Variants in KCNU1 observed in about 807,000 individuals in gnomAD.
The protein encoded by KCNU1 is potassium calcium-activated channel subfamily U member 1.
In KCNU1, 93 loss-of-function variants were observed where a neutral mutation model predicts 126.8. That is an observed-to-expected ratio of 0.73 (90% CI 0.62 to 0.87). KCNU1 has a LOEUF of 0.87. Ranked by LOEUF, KCNU1 falls within the 40% of genes least tolerant of loss-of-function variation. The pLI, the probability that KCNU1 is intolerant of heterozygous loss-of-function variation, is 0.00. For synonymous variants in KCNU1, 523 were observed against 494.2 expected (o/e 1.06, Z -0.77); for missense variants, 1,330 against 1,367.1 (o/e 0.97, Z 0.43).
chr8:36,884,103 C>T (rs368002266), intron 19 of KCNU1, among the ~76,000 whole-genome samples: 78 of 152,112 alleles, frequency 5.1e-4, no homozygotes, highest in African/African-American at 1.5e-3. Flanking sequence ...TCCACAATTC[C>T]GGCACATAAA....
intron 3 of KCNU1, 49 bp downstream of exon 3, chr8:36,804,137 C>T (rs959229812): frequency 4.6e-6 from 6 of 1,302,716 alleles, no homozygotes; most frequent in South Asian, 1.3e-5. Context: ...GTACATTGCT[C>T]GGCTAATTTG....
chr8:36,852,977 T>C (rs1585462323), intron 18 of KCNU1, among the ~76,000 whole-genome samples: 1 of 152,332 alleles, frequency 6.6e-6, no homozygotes, highest in Non-Finnish European at 1.5e-5. Context: ...TAACTTGCCT[T>C]CCTTTGTTCA....
intron 19 of KCNU1, among the ~76,000 whole-genome samples, chr8:36,864,900 G>A (rs888569802): frequency 2.0e-5 from 3 of 152,054 alleles, no homozygotes; most frequent in African/African-American, 7.2e-5. Flanking sequence ...TTTTGCATCT[G>A]CAAAATATGG....
intron 22 of KCNU1, among the ~76,000 whole-genome samples, chr8:36,918,581 G>C (rs1405351970): frequency 6.6e-6 from 1 of 150,498 alleles, no homozygotes; most frequent in African/African-American, 2.5e-5. Context: ...AAAAAGAAAA[G>C]AAGAAAGACC....
chr8:36,917,354 C>CTT (rs35473262), intron 22 of KCNU1, among the ~76,000 whole-genome samples: 59 of 143,742 alleles, frequency 4.1e-4, no homozygotes, highest in African/African-American at 1.4e-3. Context: ...CCACCAACTT[C>CTT]TTTTTTTTTT....
At chr8:36,822,275 G>A (rs374433475) in intron 10 of KCNU1, among the ~76,000 whole-genome samples, 6 of 151,652 alleles carry the variant, frequency 4.0e-5, no homozygotes, top group African/African-American at 1.4e-4. Flanking sequence ...ACGTATGTAT[G>A]TATGTTGGAG....
At chr8:36,866,452 C>G (rs1348458657) in intron 19 of KCNU1, among the ~76,000 whole-genome samples, 1 of 152,074 alleles carries the variant, frequency 6.6e-6, no homozygotes, top group Non-Finnish European at 1.5e-5. Flanking sequence ...GCCCTTCCTG[C>G]CTTCCAATCC....
Position 36,919,333 on chromosome 8 carries a change from G to A in KCNU1, c.2596+436G>A, listed in dbSNP as rs1251899233. On this transcript the variant is annotated intron_variant, in intron 23 of 26. Coordinates refer to ENST00000399881, the MANE Select transcript of KCNU1 (RefSeq NM_001031836.3). ...AGGCATGTGGGGTACAGACTTAGAG[G>A]AGGTGCTCACCCTTGGTGTCTCCAA... Among the ~76,000 whole-genome samples, 3 of 151,456 alleles carry A rather than the reference G, an allele frequency of 2.0e-5. No individual in the cohort carries two copies. In the East Asian group the frequency reaches 5.9e-4, roughly 30 times the overall value.
chr8:36,885,021 G>C (rs1354401692), intron 19 of KCNU1, among the ~76,000 whole-genome samples: 2 of 152,188 alleles, frequency 1.3e-5, no homozygotes, highest in African/African-American at 4.8e-5. Context: ...AATCGCAGCT[G>C]AGATCTGCTC....
intron 20 of KCNU1, 52 bp from the exon 21 acceptor site, chr8:36,909,259 G>A: frequency 1.8e-6 from 2 of 1,127,932 alleles, no homozygotes; most frequent in Non-Finnish European, 2.7e-6. Context: ...TACTTGGAGG[G>A]ATTCTCATCT....
chr8:36,912,953 CAAAAAAAA>C (rs71547665), intron 22 of KCNU1, among the ~76,000 whole-genome samples: 32 of 37,376 alleles, frequency 8.6e-4, no homozygotes, highest in African/African-American at 3.2e-3. Flanking sequence ...GGTGACAGAG[CAAAAAAAA>C]AAAAAAAAAA....
chr8:36,932,070 C>T (rs1457823686), intron 25 of KCNU1, among the ~76,000 whole-genome samples: 1 of 152,022 alleles, frequency 6.6e-6, no homozygotes, highest in Non-Finnish European at 1.5e-5. Flanking sequence ...TAGCAAAACC[C>T]CCAGGTAGAA....
rs565620015 is a variant in KCNU1 at position 36,854,390 on chromosome 8, G to T, written c.1891+8491G>T. Among the ~76,000 whole-genome samples, 5 of 150,700 alleles carry T rather than the reference G, an allele frequency of 3.3e-5. No individual in the cohort carries two copies. The East Asian group carries it at 7.8e-4, about 23-fold the overall frequency. On this transcript the variant is annotated intron_variant, in intron 18 of 26. Transcript: ENST00000399881. ...TAATGTCCCAGCGGTCCCTTAGGCT[G>T]TCTTCATTTTTCTTAATTCCTTTTT...
Position 36,831,287 on chromosome 8 carries a change from T to C in KCNU1, c.1107-2267T>C, listed in dbSNP as rs1279907629. On this transcript the variant is annotated intron_variant, in intron 10 of 26. Coordinates refer to ENST00000399881, the MANE Select transcript of KCNU1 (RefSeq NM_001031836.3). ...GGGTATATACCCAGTAATGGGATGG[T>C]TGGGTCAAGTGGTATTTCTAGTTCT... Among the ~76,000 whole-genome samples, 6 of 152,178 alleles carry C rather than the reference T, an allele frequency of 3.9e-5. No homozygotes were observed. In the East Asian group the frequency reaches 9.7e-4, roughly 25 times the overall value.
chr8:36,901,658 A>G (rs1245768177), intron 19 of KCNU1, among the ~76,000 whole-genome samples: 3 of 152,150 alleles, frequency 2.0e-5, no homozygotes, highest in African/African-American at 4.8e-5. Context: ...AAAGCTGGAG[A>G]TGGGACCCTG....
rs561480268 is a variant in KCNU1 at position 36,843,356 on chromosome 8, T to C, written c.1704-2224T>C. Among the ~76,000 whole-genome samples the C allele has an allele frequency of 2.7e-3, 416 of 152,332 alleles. 1 individual carries two copies. The highest frequency in any genetic ancestry group is 9.3e-3 in the African/African-American group (388 of 41,586). On this transcript the variant is annotated intron_variant, in intron 16 of 26. Transcript: ENST00000399881. The stretch of plus-strand genomic sequence containing the variant: ...TGAATCAAAAGGATTAAGTTCTGAT[T>C]TGGCAAATGTATTGATAAGAACATT...
rs568349161 is a variant in KCNU1 at position 36,870,996 on chromosome 8, G to A, written c.2009+6475G>A. The stretch of plus-strand genomic sequence containing the variant: ...AAATATGCTTTCTCTCATTTTAATT[G>A]ATGGTATAATTTGGGACCACCAGAA... On this transcript the variant is annotated intron_variant, in intron 19 of 26. Coordinates refer to ENST00000399881, the MANE Select transcript of KCNU1 (RefSeq NM_001031836.3). Among the ~76,000 whole-genome samples, 3 of 152,158 alleles carry A rather than the reference G, an allele frequency of 2.0e-5. No homozygotes were observed. The South Asian group carries it at 6.2e-4, about 32-fold the overall frequency.
At chr8:36,798,015 T>C (rs72631190) in intron 2 of KCNU1, among the ~76,000 whole-genome samples, 24,728 of 152,002 alleles carry the variant, frequency 0.16, 2,186 homozygotes, top group Admixed American at 0.29. Flanking sequence ...AAGGGAACCG[T>C]TTGTTGCTTC....
intron 20 of KCNU1, among the ~76,000 whole-genome samples, chr8:36,908,515 T>TC (rs1807725904): frequency 1.0e-5 from 1 of 98,824 alleles, no homozygotes; most frequent in African/African-American, 3.9e-5. Context: ...ATGCTATCCC[T>TC]CCCCCCTCCC....
Sources: allele counts gnomAD v4.1 joint callset (sites outside exome capture counted in the v4.1 genomes callset), GRCh38; gene constraint gnomAD v4.1.1; transcripts MANE v1.5; gene names NCBI Gene and HGNC (gene_info 2026-07-23, HGNC 2026-07-21).